SLC30A9: variants seen among roughly 807,000 people sequenced by gnomAD.
The protein encoded by SLC30A9 is proton-coupled zinc antiporter SLC30A9, mitochondrial.
In SLC30A9, 58 loss-of-function variants were observed where a neutral mutation model predicts 87.5. That is an observed-to-expected ratio of 0.66 (90% CI 0.54 to 0.82). The LOEUF is 0.82. SLC30A9 is among the 40% of genes least tolerant of loss of function. The pLI is 0.00. For missense variants in SLC30A9, 557 were observed against 679.1 expected, an observed-to-expected ratio of 0.82 and a Z score of 2.00; for synonymous variants, 234 against 233.0, an observed-to-expected ratio of 1.00 and a Z score of -0.04.
chr4:42,004,190 T>C (rs1715101875), intron 2 of SLC30A9, among the ~76,000 whole-genome samples: 1 of 152,198 alleles, frequency 6.6e-6, no homozygotes, highest in Admixed American at 6.5e-5. Context: ...TATGCCTTTG[T>C]TTGTATATTT....
At chr4:42,063,310 C>T (rs1236716505) in intron 11 of SLC30A9, among the ~76,000 whole-genome samples, 189 bp downstream of exon 11, 4 of 152,160 alleles carry the variant, frequency 2.6e-5, no homozygotes, top group East Asian at 1.9e-4. Flanking sequence ...CCATAAGATT[C>T]AATGATGTTG....
intron 9 of SLC30A9, among the ~76,000 whole-genome samples, chr4:42,053,348 C>T (rs777346110): frequency 2.6e-5 from 4 of 152,106 alleles, no homozygotes; most frequent in Non-Finnish European, 5.9e-5. Context: ...AATTCCACTT[C>T]TAAGTATTTA....
At chr4:42,078,684 A>C (rs1407025980) in intron 17 of SLC30A9, 1 of 155,864 alleles carries the variant, frequency 6.4e-6, no homozygotes, top group East Asian at 1.9e-4. Flanking sequence ...AAAAGTTAGA[A>C]AAAATAGAAT....
intron 6 of SLC30A9, among the ~76,000 whole-genome samples, chr4:42,033,515 A>G (rs890953183): frequency 6.6e-6 from 1 of 152,110 alleles, no homozygotes; most frequent in Non-Finnish European, 1.5e-5. Context: ...TTTTAAAAAA[A>G]CGTACACATT....
chr4:42,078,063 T>A (rs1718624322), intron 16 of SLC30A9, 149 bp from the exon 17 acceptor site: 2 of 517,254 alleles, frequency 3.9e-6, no homozygotes, highest in Admixed American at 4.0e-5. Flanking sequence ...GTTTTGGAAA[T>A]AGGTAATCCA....
At chr4:42,007,352 A>G (rs904196813) in intron 2 of SLC30A9, among the ~76,000 whole-genome samples, 1 of 152,184 alleles carries the variant, frequency 6.6e-6, no homozygotes, top group African/African-American at 2.4e-5. Context: ...CTTGGTTTGC[A>G]CATCTGAATT....
intron 2 of SLC30A9, among the ~76,000 whole-genome samples, chr4:42,009,923 T>C (rs1715369936): frequency 6.6e-6 from 1 of 152,224 alleles, no homozygotes; most frequent in Non-Finnish European, 1.5e-5. Context: ...TCTGCCCTGC[T>C]CTCTGTTTCC....
At chr4:42,056,853 C>A (rs12509004) in intron 9 of SLC30A9, among the ~76,000 whole-genome samples, 100,122 of 152,010 alleles carry the variant, frequency 0.66, 37,158 homozygotes, top group East Asian at 0.96. Flanking sequence ...GGGTAAATAC[C>A]ATGTCTCCAT....
chr4:42,056,864 TTGGC>T (rs1717641291), intron 9 of SLC30A9, among the ~76,000 whole-genome samples: 1 of 152,142 alleles, frequency 6.6e-6, no homozygotes, highest in African/African-American at 2.4e-5. Context: ...ATGTCTCCAT[TTGGC>T]GACATTGGGT....
intron 1 of SLC30A9, among the ~76,000 whole-genome samples, chr4:41,992,380 G>A (rs924021751): frequency 1.3e-5 from 2 of 151,556 alleles, no homozygotes; most frequent in Non-Finnish European, 2.9e-5. Flanking sequence ...TGAATCATAC[G>A]TTTATACTGT....
intron 11 of SLC30A9, among the ~76,000 whole-genome samples, chr4:42,065,061 G>T (rs1259653531): frequency 6.6e-6 from 1 of 152,150 alleles, no homozygotes; most frequent in Non-Finnish European, 1.5e-5. Context: ...ATTAGGCATG[G>T]AAGCAAAATC....
intron 2 of SLC30A9, among the ~76,000 whole-genome samples, chr4:42,013,417 A>C (rs1443107544): frequency 6.6e-6 from 1 of 152,220 alleles, no homozygotes; most frequent in Non-Finnish European, 1.5e-5. Flanking sequence ...TCTGGGCAAC[A>C]AGAAAAAAAC....
At chr4:42,064,798 C>T (rs996402435) in intron 11 of SLC30A9, among the ~76,000 whole-genome samples, 27 of 152,008 alleles carry the variant, frequency 1.8e-4, no homozygotes, top group African/African-American at 6.5e-4. Context: ...AGTTTTCAGA[C>T]CTCTATTTTA....
chr4:42,084,559 C>T (rs1266812127), intron 17 of SLC30A9, among the ~76,000 whole-genome samples: 1 of 152,150 alleles, frequency 6.6e-6, no homozygotes, highest in East Asian at 1.9e-4. Flanking sequence ...GCAACCTCTG[C>T]CTCCCGGGTT....
At chr4:42,047,463 C>A (rs1344423093) in intron 8 of SLC30A9, among the ~76,000 whole-genome samples, 1 of 152,154 alleles carries the variant, frequency 6.6e-6, no homozygotes. Flanking sequence ...ATGCAGCCAA[C>A]AAACATATGG....
At chr4:42,066,233 TG>T (rs779539845) in intron 12 of SLC30A9, among the ~76,000 whole-genome samples, 2 of 152,180 alleles carry the variant, frequency 1.3e-5, no homozygotes, top group Non-Finnish European at 2.9e-5. Context: ...GTCTATGAAA[TG>T]GTTATAACAC....
At chr4:42,079,049 A>G (rs1718662380) in intron 17 of SLC30A9, among the ~76,000 whole-genome samples, 1 of 152,144 alleles carries the variant, frequency 6.6e-6, no homozygotes, top group Non-Finnish European at 1.5e-5. Context: ...AGATTAATAC[A>G]AGTACTTCAA....
chr4:42,002,961 C>G (rs2581452), intron 2 of SLC30A9, among the ~76,000 whole-genome samples: 1 of 151,950 alleles, frequency 6.6e-6, no homozygotes, highest in African/African-American at 2.4e-5. Flanking sequence ...GTCAGTTAGA[C>G]ACTTAGTTTA....
chr4:42,083,243 A>C (rs1222805573), intron 17 of SLC30A9, among the ~76,000 whole-genome samples: 1 of 152,220 alleles, frequency 6.6e-6, no homozygotes, highest in Non-Finnish European at 1.5e-5. Context: ...TGTAAAATAA[A>C]TTATGTAATT....
Sources: allele counts gnomAD v4.1 joint callset (sites outside exome capture counted in the v4.1 genomes callset), GRCh38; gene constraint gnomAD v4.1.1; transcripts MANE v1.5; gene names NCBI Gene and HGNC (gene_info 2026-07-23, HGNC 2026-07-21).